Variants in ARSG observed in about 807,000 individuals in gnomAD.
ARSG encodes arylsulfatase G.
In ARSG, 37 loss-of-function variants were observed where a neutral mutation model predicts 50.5. The observed-to-expected ratio is 0.73, with a 90% CI of 0.56 to 0.96. The LOEUF (loss-of-function observed/expected upper bound fraction) is 0.96. Ranked by LOEUF, ARSG falls within the 50% of genes least tolerant of loss-of-function variation. ARSG has a pLI of 0.00. For missense variants in ARSG, 629 were observed against 675.3 expected, an observed-to-expected ratio of 0.93 and a Z score of 0.76; for synonymous variants, 225 against 254.6, an observed-to-expected ratio of 0.88 and a Z score of 1.11.
the ARSG span, chr17:68,444,444 C>G: frequency 1.6e-5 from 24 of 1,535,586 alleles, no homozygotes; most frequent in Non-Finnish European, 2.1e-5. Flanking sequence ...GGGAAAGAAG[C>G]ACCAGGACAT....
intron 6 of ARSG, among the ~76,000 whole-genome samples, chr17:68,360,600 T>A (rs2079235972): frequency 6.6e-6 from 1 of 152,240 alleles, no homozygotes; most frequent in Non-Finnish European, 1.5e-5. Flanking sequence ...CAATGCTGAA[T>A]GCTAATGCTT....
intron 4 of ARSG, among the ~76,000 whole-genome samples, chr17:68,347,920 C>T (rs141373921): frequency 1.1e-4 from 17 of 152,284 alleles, no homozygotes; most frequent in African/African-American, 3.8e-4. Context: ...GCCCCAGTAT[C>T]TCTCCCTATC....
intron 2 of ARSG, among the ~76,000 whole-genome samples, chr17:68,315,969 T>G (rs1253516018): frequency 6.6e-6 from 1 of 152,164 alleles, no homozygotes. Flanking sequence ...AAATGGTTGA[T>G]GCAACCATCG....
intron 2 of ARSG, among the ~76,000 whole-genome samples, chr17:68,331,110 G>A (rs575554976): frequency 1.1e-4 from 16 of 151,530 alleles, no homozygotes; most frequent in South Asian, 2.1e-4. Context: ...TCAGCCTCCC[G>A]AGTAGCTGGG....
At chr17:68,320,892 C>A (rs1336383255) in intron 2 of ARSG, among the ~76,000 whole-genome samples, 15 of 152,100 alleles carry the variant, frequency 9.9e-5, no homozygotes, top group Admixed American at 9.8e-4. Flanking sequence ...TTGTCGTATA[C>A]CTTGTGTGTG....
downstream of ARSG, among the ~76,000 whole-genome samples, chr17:68,424,049 G>A (rs941967267): frequency 6.6e-6 from 1 of 152,118 alleles, no homozygotes; most frequent in Admixed American, 6.6e-5. Context: ...TCGACTTCAG[G>A]TAAATAACCA....
chr17:68,431,823 G>C, the ARSG span, among the ~76,000 whole-genome samples: 1 of 16,686 alleles, frequency 6.0e-5, no homozygotes, highest in Non-Finnish European at 1.3e-4. Flanking sequence ...GGTCACCTGT[G>C]CTCACAGACA....
intron 8 of ARSG, among the ~76,000 whole-genome samples, chr17:68,374,397 G>A (rs189978775): frequency 2.6e-5 from 4 of 152,276 alleles, no homozygotes; most frequent in Admixed American, 2.6e-4. Flanking sequence ...GGATCTGTAA[G>A]TAAGTGGCTT....
intron 2 of ARSG, among the ~76,000 whole-genome samples, chr17:68,339,423 T>C (rs2078172943): frequency 6.6e-6 from 1 of 152,246 alleles, no homozygotes; most frequent in Non-Finnish European, 1.5e-5. Context: ...TGTCTTACAT[T>C]GGGTCTGTAT....
intron 5 of ARSG, among the ~76,000 whole-genome samples, chr17:68,354,448 A>T (rs1211108579): frequency 6.6e-6 from 1 of 151,810 alleles, no homozygotes; most frequent in Non-Finnish European, 1.5e-5. Context: ...AAAAAAAATC[A>T]AACAGAGAAA....
chr17:68,406,256 A>G (rs919048178), intron 11 of ARSG, among the ~76,000 whole-genome samples: 2 of 152,190 alleles, frequency 1.3e-5, no homozygotes, highest in African/African-American at 4.8e-5. Flanking sequence ...ATTCCATTAT[A>G]TATATATCAC....
rs529342432 is a variant in ARSG, at chr17:68,325,854, A to G, written c.219-17750A>G. On this transcript the variant is annotated intron_variant, in intron 2 of 11. Coordinates refer to ENST00000621439, the MANE Select transcript of ARSG (RefSeq NM_001267727.2). Reference sequence around the variant, plus strand: ...AGAAAATTCCAAGTTTAAATTCACAATAGCCCTGCTTGGCTCATGGGTCAT... The same window carrying G: ...AGAAAATTCCAAGTTTAAATTCACAGTAGCCCTGCTTGGCTCATGGGTCAT... Among the ~76,000 whole-genome samples the G allele has an allele frequency of 2.0e-5, 3 of 152,310 alleles. No individual in the cohort carries two copies. The South Asian group carries it at 6.2e-4, about 32-fold the overall frequency.
chr17:68,396,058 G>C (rs2081233069), intron 10 of ARSG, among the ~76,000 whole-genome samples: 1 of 150,946 alleles, frequency 6.6e-6, no homozygotes, highest in African/African-American at 2.4e-5. Context: ...ACCCAGGCTG[G>C]AGTGCAGTGG....
chr17:68,376,733 C>G (rs2080169426), intron 8 of ARSG, among the ~76,000 whole-genome samples: 1 of 152,008 alleles, frequency 6.6e-6, no homozygotes, highest in Non-Finnish European at 1.5e-5. Context: ...GAGCTGAGAA[C>G]AAGGAGAAGG....
chr17:68,407,191 T>C (rs372438698), intron 11 of ARSG, among the ~76,000 whole-genome samples: 1 of 152,100 alleles, frequency 6.6e-6, no homozygotes, highest in Admixed American at 6.5e-5. Context: ...ATTATTTGGG[T>C]TTATTTCTGG....
rs79414836 is a variant in ARSG at position 68,378,179 on chromosome 17, A to G, written c.983-6885A>G. On this transcript the variant is annotated intron_variant, in intron 8 of 11. Coordinates refer to ENST00000621439, the MANE Select transcript of ARSG (RefSeq NM_001267727.2). This position sits in a 1 kb window ranked among gnomAD's most constrained non-coding sequence, Gnocchi z 4.4. ...CCTGCTCCTCTTCACCCAGTTCCCC[A>G]TCAGTGGGACATCTGCACGGCTCAC... Among the ~76,000 whole-genome samples the G allele has an allele frequency of 2.3e-3, 346 of 152,250 alleles. 1 individual carries two copies. The highest frequency in any genetic ancestry group is 7.7e-3 in the African/African-American group (321 of 41,554).
Position 68,420,738 on chromosome 17 carries a change from G to C in ARSG, c.*275G>C. The C allele has an allele frequency of 2.2e-6, 1 of 463,538 alleles. No individual in the cohort carries two copies. The highest frequency in any genetic ancestry group is 5.6e-4 in the Middle Eastern group (1 of 1,776). The allele number at this position is 463,538 out of a possible 1,614,324, so 28.7% of individuals were successfully genotyped here. On this transcript the variant is annotated 3_prime_UTR_variant, in exon 12 of 12. Transcript: ENST00000621439. ...GGTGCCAGCTCCAGCTTTTGAACTT[G>C]GGCAATTGTTTAACCTAACCTGCAA... is the stretch of plus-strand genomic sequence containing the variant.
intron 9 of ARSG, among the ~76,000 whole-genome samples, chr17:68,388,662 C>T (rs1490331993): frequency 1.3e-5 from 2 of 152,196 alleles, no homozygotes; most frequent in African/African-American, 4.8e-5. Flanking sequence ...CGCAGTGGCT[C>T]ACGCCTGTAA....
At chr17:68,268,084 T>A (rs2075210974) in intron 1 of ARSG, 1 of 152,222 alleles carries the variant, frequency 6.6e-6, no homozygotes, top group Non-Finnish European at 1.5e-5. Flanking sequence ...TAGCACACGT[T>A]GCCCCTAATC....
Sources: allele counts gnomAD v4.1 joint callset (sites outside exome capture counted in the v4.1 genomes callset), GRCh38; gene constraint gnomAD v4.1.1; non-coding constraint Gnocchi (gnomAD v3.1); transcripts MANE v1.5; gene names NCBI Gene and HGNC (gene_info 2026-07-23, HGNC 2026-07-21).